The following ASIC2 variants were observed in gnomAD, a reference collection of about 807,000 sequenced individuals.
ASIC2 encodes the protein acid sensing ion channel subunit 2.
ASIC2 carries 25 observed loss-of-function variants against 57.3 expected under a neutral mutation model. The observed-to-expected ratio is 0.44, with a 90% confidence interval of 0.32 to 0.61. ASIC2 has a LOEUF of 0.61. Among genes scored for constraint, ASIC2 ranks in the 20% least tolerant of loss-of-function variants. The pLI is 0.06. For missense variants in ASIC2, 641 were observed against 738.1 expected, an observed-to-expected ratio of 0.87 and a Z score of 1.52; for synonymous variants, 319 against 307.5, an observed-to-expected ratio of 1.04 and a Z score of -0.39.
intron 1 of ASIC2, among the ~76,000 whole-genome samples, chr17:33,498,312 T>TA (rs1424704679): frequency 6.6e-6 from 1 of 152,204 alleles, no homozygotes; most frequent in East Asian, 1.9e-4. Flanking sequence ...GACAGTGATT[T>TA]CATCCCCAAA....
Position 33,015,877 on chromosome 17 carries a change from T to C in ASIC2, c.1590+94A>G, listed in dbSNP as rs1567716984. 3 of 1,331,630 alleles carry C rather than the reference T, an allele frequency of 2.3e-6. No homozygotes were observed. The East Asian group carries it at 7.0e-5, about 31-fold the overall frequency. 82.5% of individuals were successfully genotyped at this position (1,331,630 alleles called of 1,614,324 possible). On this transcript the variant is annotated intron_variant, in intron 9 of 9. Transcript: ENST00000225823. ...AAGCCATGGAAAGGTGTGCAGTGAG[T>C]CACATCTTTCCTGCCCGGCCCCAGC...
At chr17:33,898,358 C>T (rs188330368) in intron 1 of ASIC2, among the ~76,000 whole-genome samples, 197 of 149,326 alleles carry the variant, frequency 1.3e-3, no homozygotes, top group Non-Finnish European at 2.3e-3. Flanking sequence ...GCCTCAACTT[C>T]CTGGGTAGCT....
At chr17:33,791,016 T>C (rs373979013) in intron 1 of ASIC2, among the ~76,000 whole-genome samples, 5 of 152,100 alleles carry the variant, frequency 3.3e-5, no homozygotes, top group African/African-American at 1.2e-4. Flanking sequence ...GCAACCCATG[T>C]CTCCCTGGCC....
intron 1 of ASIC2, among the ~76,000 whole-genome samples, chr17:33,262,240 C>T (rs1034603636): frequency 4.3e-4 from 65 of 152,120 alleles, no homozygotes; most frequent in African/African-American, 1.5e-3. Context: ...CCCCTCCATA[C>T]CCCCAAGGAT....
intron 1 of ASIC2, among the ~76,000 whole-genome samples, chr17:33,468,430 T>C (rs1349354504): frequency 6.6e-6 from 1 of 152,202 alleles, no homozygotes; most frequent in Non-Finnish European, 1.5e-5. Flanking sequence ...CCTTTAAGCA[T>C]AAAAACATTT....
chr17:33,019,731 A>T (rs1377297781), intron 7 of ASIC2, among the ~76,000 whole-genome samples: 3 of 151,798 alleles, frequency 2.0e-5, no homozygotes, highest in Non-Finnish European at 4.4e-5. Context: ...ATGCTGAACA[A>T]ACTCATCCTC....
intron 1 of ASIC2, among the ~76,000 whole-genome samples, chr17:33,788,004 A>C (rs993050235): frequency 2.6e-5 from 4 of 152,232 alleles, no homozygotes; most frequent in Non-Finnish European, 5.9e-5. Context: ...GGCATGGGCA[A>C]AGACTTCATG....
At chr17:33,532,567 A>C (rs1915085437) in intron 1 of ASIC2, among the ~76,000 whole-genome samples, 1 of 152,178 alleles carries the variant, frequency 6.6e-6, no homozygotes, top group South Asian at 2.1e-4. Context: ...AAAGAAAAAG[A>C]AAGAAGATGC....
At chr17:33,789,999 C>T (rs1390908568) in intron 1 of ASIC2, among the ~76,000 whole-genome samples, 1 of 152,158 alleles carries the variant, frequency 6.6e-6, no homozygotes, top group African/African-American at 2.4e-5. Flanking sequence ...GAGCCAGAAG[C>T]TCTGTATGGA....
intron 1 of ASIC2, among the ~76,000 whole-genome samples, chr17:33,319,082 TG>T (rs1332456990): frequency 6.6e-6 from 1 of 152,126 alleles, no homozygotes; most frequent in Non-Finnish European, 1.5e-5. Flanking sequence ...CTGACCAACA[TG>T]GCCAGGTGTG....
At chr17:33,451,850 A>G (rs961137664) in intron 1 of ASIC2, among the ~76,000 whole-genome samples, 1 of 152,144 alleles carries the variant, frequency 6.6e-6, no homozygotes. Context: ...ACTTTTCATA[A>G]TTATAACCGC....
chr17:33,270,078 A>T (rs1904421607), intron 1 of ASIC2, among the ~76,000 whole-genome samples: 1 of 152,228 alleles, frequency 6.6e-6, no homozygotes, highest in African/African-American at 2.4e-5. Flanking sequence ...TCTCATTTAT[A>T]ACTTTTACTG....
chr17:33,890,136 T>A (rs963937315), intron 1 of ASIC2, among the ~76,000 whole-genome samples: 2 of 152,230 alleles, frequency 1.3e-5, no homozygotes, highest in Non-Finnish European at 2.9e-5. Context: ...TCCTTAGTTA[T>A]GTTAGCTAAT....
chr17:33,873,040 C>T (rs1382588016), intron 1 of ASIC2, among the ~76,000 whole-genome samples: 1 of 152,156 alleles, frequency 6.6e-6, no homozygotes. Flanking sequence ...AAAAATCTGA[C>T]ATCATAAAAA....
intron 1 of ASIC2, among the ~76,000 whole-genome samples, chr17:33,923,027 G>A (rs1407285703): frequency 1.3e-5 from 2 of 152,174 alleles, no homozygotes; most frequent in Non-Finnish European, 2.9e-5. Flanking sequence ...ATCCTAGAGA[G>A]GTTTAGTGGG....
chr17:33,517,191 C>A (rs1274898317), intron 1 of ASIC2, among the ~76,000 whole-genome samples: 3 of 152,212 alleles, frequency 2.0e-5, no homozygotes, highest in African/African-American at 7.2e-5. Context: ...TCTCAGCTCA[C>A]TGCAATCTCT....
At chr17:34,099,629 A>AG (rs1567821430) in intron 1 of ASIC2, among the ~76,000 whole-genome samples, 1,848 of 146,498 alleles carry the variant, frequency 0.013, 116 homozygotes, top group East Asian at 0.05. Context: ...AAAGAAAAAG[A>AG]AAAAGAAAGA....
chr17:33,619,346 A>G (rs760679303), intron 1 of ASIC2, among the ~76,000 whole-genome samples: 1 of 152,206 alleles, frequency 6.6e-6, no homozygotes, highest in Non-Finnish European at 1.5e-5. Context: ...CCTAAAAATG[A>G]TGTACCAGAA....
chr17:33,074,248 C>T (rs1455196873), intron 3 of ASIC2, among the ~76,000 whole-genome samples: 1 of 152,200 alleles, frequency 6.6e-6, no homozygotes, highest in East Asian at 1.9e-4. Context: ...GCATTTTCTA[C>T]AGTAGCCATA....
Sources: gnomAD v4.1 joint callset for allele counts (sites outside exome capture counted in the v4.1 genomes callset) on GRCh38, gnomAD v4.1.1 for gene constraint, MANE v1.5 for transcripts, NCBI Gene and HGNC (gene_info 2026-07-23, HGNC 2026-07-21) for gene names.